The following SLC7A6OS variants were observed in gnomAD, a reference collection of about 807,000 sequenced individuals.
SLC7A6OS encodes the protein solute carrier family 7 member 6 opposite strand, also known as probable RNA polymerase II nuclear localization protein SLC7A6OS.
A neutral mutation model predicts 34.3 loss-of-function variants in SLC7A6OS; 22 were observed. That is an observed-to-expected ratio of 0.64 (90% CI 0.46 to 0.92). The LOEUF (loss-of-function observed/expected upper bound fraction) is 0.92, where lower values mean the gene tolerates loss of function less well. Ranked by LOEUF, SLC7A6OS falls within the 40% of genes least tolerant of loss-of-function variation. SLC7A6OS has a pLI of 0.00. For synonymous variants in SLC7A6OS, 199 were observed against 165.0 expected (o/e 1.21, Z -1.58); for missense variants, 434 against 407.7 (o/e 1.06, Z -0.56).
At position 68,310,855 on chromosome 16, in the gene SLC7A6OS, C is replaced by T. The variant is rs769145053; in HGVS notation, c.72G>A (p.Val24=). The part of the protein sequence containing the change: ...KRSAEPAEAL[V]LACKRLRSDA... ...CGCTCCGGAGGCGTTTACAAGCGAG[C>T]ACAAGAGCCTCCGCCGGCTCCGCAC... Residue 24 remains valine, a synonymous_variant, in exon 1 of 5, where the codon GTG becomes GTA. Transcript: ENST00000263997. The T allele has an allele frequency of 3.7e-6, 6 of 1,612,456 alleles. No homozygotes were observed. In the South Asian group the frequency reaches 6.6e-5, roughly 18 times the overall value.
At chr16:68,303,770 A>G in intron 3 of SLC7A6OS, 1 of 475,154 alleles carries the variant, frequency 2.1e-6, no homozygotes, top group Non-Finnish European at 3.8e-6. Flanking sequence ...GATAGCTATA[A>G]ACAATAAAGG....
chr16:68,310,830 C>A lies in SLC7A6OS; in HGVS notation c.97G>T (p.Asp33Tyr). 1 of 1,613,682 alleles carries A rather than the reference C, an allele frequency of 6.2e-7. No homozygotes were observed. The highest frequency in any genetic ancestry group is 1.1e-5 in the South Asian group (1 of 91,086). Residue 33 changes from aspartate (D) to tyrosine (Y), a missense_variant, in exon 1 of 5, where the codon GAC becomes TAC. Coordinates refer to ENST00000263997, the MANE Select transcript of SLC7A6OS (RefSeq NM_032178.3). Reference sequence around the variant, plus strand: ...TTCTGTGCCGCTGACTCGACCGCGTCGCTCCGGAGGCGTTTACAAGCGAGC... The same window carrying A: ...TTCTGTGCCGCTGACTCGACCGCGTAGCTCCGGAGGCGTTTACAAGCGAGC... Reference protein sequence around the residue: ...LVLACKRLRSDAVESAAQKTS... With the variant: ...LVLACKRLRSYAVESAAQKTS...
intron 2 of SLC7A6OS, among the ~76,000 whole-genome samples, chr16:68,307,880 T>A (rs1172063257): frequency 1.3e-5 from 2 of 152,222 alleles, no homozygotes; most frequent in Admixed American, 6.5e-5. Context: ...CTCCTAGTTT[T>A]CTTTATAAAA....
rs532334466 is a variant in SLC7A6OS at position 68,301,222 on chromosome 16, G to A, written c.*53C>T. The A allele has an allele frequency of 3.2e-6, 5 of 1,584,210 alleles. No individual in the cohort carries two copies. The South Asian group carries it at 5.7e-5, about 18-fold the overall frequency. On this transcript the variant is annotated 3_prime_UTR_variant, in exon 5 of 5. Transcript: ENST00000263997. The stretch of plus-strand genomic sequence containing the variant: ...GATGTCAGCAGGGCAGTTAACTCTG[G>A]ACTCAGAGCCCTCAAGGGCATGTGG...
At position 68,310,935 on chromosome 16, in the gene SLC7A6OS, C is replaced by T. The variant is rs1323942801; in HGVS notation, c.-9G>A. ...GTCCTGGCGGCCTCCATAGTGGCTG[C>T]CGCTGAGCACTGTGGGAGCTCGCGG... On this transcript the variant is annotated 5_prime_UTR_variant, in exon 1 of 5. Coordinates refer to ENST00000263997, the MANE Select transcript of SLC7A6OS (RefSeq NM_032178.3). 25 of 1,569,054 alleles carry T rather than the reference C, an allele frequency of 1.6e-5. No homozygotes were observed. Among genetic ancestry groups the T allele is most frequent in the Non-Finnish European group, 2.0e-5 (23 of 1,162,954 alleles).
At position 68,301,048 on chromosome 16, in the gene SLC7A6OS, T is replaced by G. The variant is rs1347913167; in HGVS notation, c.*227A>C. 1.2e-5 allele frequency: 15 copies of G among 1,207,836 alleles called. No individual in the cohort carries two copies. Among genetic ancestry groups the G allele is most frequent in the Non-Finnish European group, 1.5e-5 (15 of 972,454 alleles). 74.8% of individuals were successfully genotyped at this position (1,207,836 alleles called of 1,614,324 possible). ...CAACGTTTTTTTTTCTTTCAAACTG[T>G]AGGGTCACTTTTGATTGAGGCAAAG... On this transcript the variant is annotated 3_prime_UTR_variant, in exon 5 of 5. Transcript: ENST00000263997.
Position 68,298,544 on chromosome 16 carries a change from C to G in SLC7A6OS, c.*2731G>C, listed in dbSNP as rs975432279. On this transcript the variant is annotated 3_prime_UTR_variant, in exon 5 of 5. Coordinates refer to ENST00000263997, the MANE Select transcript of SLC7A6OS (RefSeq NM_032178.3). ...TGTGGGTCACCGGGACAGTGTACTC[C>G]TCTCCTGCCAGCCTCCCCTTCCCCG... is the stretch of plus-strand genomic sequence containing the variant. 6.6e-6 allele frequency: 1 copy of G among 152,312 alleles called. No individual in the cohort carries two copies. The highest frequency in any genetic ancestry group is 1.5e-5 in the Non-Finnish European group (1 of 68,094). The allele number at this position is 152,312 out of a possible 1,614,324, so 9.4% of individuals were successfully genotyped here. A position where few individuals can be genotyped will look rare whatever the true frequency, so the allele number is the denominator to read the frequency against.
At chr16:68,308,575 C>T (rs1159085019) in intron 2 of SLC7A6OS, among the ~76,000 whole-genome samples, 3 of 151,958 alleles carry the variant, frequency 2.0e-5, no homozygotes, top group Non-Finnish European at 2.9e-5. Context: ...TGCGGTGAGC[C>T]GAGATCGCGC....
chr16:68,310,538 G>A lies in SLC7A6OS; in HGVS notation c.268C>T (p.Leu90Phe). Residue 90 changes from leucine (L) to phenylalanine (F), a missense_variant, in exon 2 of 5, where the codon CTC becomes TTC. Coordinates refer to ENST00000263997, the MANE Select transcript of SLC7A6OS (RefSeq NM_032178.3). ...CGGACCTCCCGAGCCGAGGCGCGGA[G>A]ATTACGGCGGACACGCTGCTGGCTG... The part of the protein sequence containing the change: ...RDSQQRVRRN[L>F]RASAREVRQE... 1 of 1,581,738 alleles carries A rather than the reference G, an allele frequency of 6.3e-7. No individual in the cohort carries two copies. The highest frequency in any genetic ancestry group is 8.6e-7 in the Non-Finnish European group (1 of 1,164,868).
At chr16:68,308,046 C>T (rs1053106667) in intron 2 of SLC7A6OS, among the ~76,000 whole-genome samples, 3 of 152,040 alleles carry the variant, frequency 2.0e-5, no homozygotes, top group Admixed American at 6.5e-5. Flanking sequence ...GGATTACAGG[C>T]GCCCGCCACC....
At chr16:68,309,444 T>G (rs1255508046) in intron 2 of SLC7A6OS, among the ~76,000 whole-genome samples, 1 of 152,038 alleles carries the variant, frequency 6.6e-6, no homozygotes, top group African/African-American at 2.4e-5. Context: ...TGGCTCACTG[T>G]AGCCTTGACC....
intron 4 of SLC7A6OS, chr16:68,301,658 T>TC (rs2043278579): frequency 3.2e-6 from 1 of 309,776 alleles, no homozygotes; most frequent in African/African-American, 2.2e-5. Context: ...ACTTCTCCCC[T>TC]CCGTATAGGA....
In SLC7A6OS at chr16:68,310,580, G is replaced by A. The variant is rs771616951; in HGVS notation, c.226C>T (p.Leu76=). 4 of 1,592,026 alleles carry A rather than the reference G, an allele frequency of 2.5e-6. No individual in the cohort carries two copies. Among genetic ancestry groups the A allele is most frequent in the East Asian group, 2.3e-5 (1 of 43,452 alleles). ...EPVQPLLREV[L]RPSRDSQQRV... ...TGCTGGCTGTCCCGTGACGGGCGCA[G>A]AACTTCCCGCAGGAGAGGCTGGACT... The change falls in exon 2 of 5, where the codon CTG becomes TTG. Residue 76 remains leucine (L), a synonymous_variant. Coordinates refer to ENST00000263997, the MANE Select transcript of SLC7A6OS (RefSeq NM_032178.3).
intron 3 of SLC7A6OS, 141 bp from the exon 4 acceptor site, chr16:68,302,642 T>C (rs1186054484): frequency 3.3e-6 from 3 of 905,382 alleles, no homozygotes; most frequent in African/African-American, 1.6e-5. Flanking sequence ...TTTGACTCCA[T>C]TGCACAAGAG....
intron 4 of SLC7A6OS, 57 bp from the exon 5 acceptor site, chr16:68,301,462 A>AAAATTTCCTAG: frequency 6.6e-7 from 1 of 1,523,670 alleles, no homozygotes; most frequent in South Asian, 1.2e-5. Flanking sequence ...CTACTGCAGG[A>AAAATTTCCTAG]GCCCCTTCTC....
rs192902092 is a variant in SLC7A6OS, at chr16:68,306,807, A to G, written c.472-2575T>C. Among the ~76,000 whole-genome samples, 3 of 146,998 alleles carry G rather than the reference A, an allele frequency of 2.0e-5. No individual in the cohort carries two copies. In the East Asian group the frequency reaches 6.1e-4, roughly 30 times the overall value. ...GTACCCTTGCTGAAAATTATTTTGA[A>G]GTCTATGTCCATGTGTATTCATTCA... is the stretch of plus-strand genomic sequence containing the variant. On this transcript the variant is annotated intron_variant, in intron 2 of 4. Transcript: ENST00000263997.
At chr16:68,303,363 G>C (rs553966919) in intron 3 of SLC7A6OS, among the ~76,000 whole-genome samples, 2 of 151,948 alleles carry the variant, frequency 1.3e-5, no homozygotes, top group East Asian at 3.9e-4. Flanking sequence ...CTTGAGCCCA[G>C]GAGTTCAAGA....
Position 68,301,255 on chromosome 16 carries a change from T to C in SLC7A6OS, c.*20A>G. ...GCCCTCAAGGGCATGTGGCAGAACCTCATGGACATCACAAGACCATCAGTC... is the reference window on the plus strand; with the variant it reads ...GCCCTCAAGGGCATGTGGCAGAACCCCATGGACATCACAAGACCATCAGTC... On this transcript the variant is annotated 3_prime_UTR_variant, in exon 5 of 5. Coordinates refer to ENST00000263997, the MANE Select transcript of SLC7A6OS (RefSeq NM_032178.3). 1 of 1,612,748 alleles carries C rather than the reference T, an allele frequency of 6.2e-7. No homozygotes were observed. The highest frequency in any genetic ancestry group is 1.3e-5 in the African/African-American group (1 of 75,004).
Position 68,310,838 on chromosome 16 carries a change from A to G in SLC7A6OS, c.89T>C (p.Leu30Pro). 3 of 1,613,560 alleles carry G rather than the reference A, an allele frequency of 1.9e-6. No homozygotes were observed. The highest frequency in any genetic ancestry group is 2.5e-6 in the Non-Finnish European group (3 of 1,179,946). ...CGCTGACTCGACCGCGTCGCTCCGG[A>G]GGCGTTTACAAGCGAGCACAAGAGC... ...AEALVLACKR[L>P]RSDAVESAAQ... is the part of the protein sequence containing the mutation. Residue 30 changes from leucine to proline, a missense_variant, in exon 1 of 5, where the codon CTC (leucine) becomes CCC (proline). Physicochemically the swap from Leu to Pro is moderately conservative, Grantham distance 98 (BLOSUM62 -3). Transcript: ENST00000263997.
Sources: gnomAD v4.1 joint callset for allele counts (sites outside exome capture counted in the v4.1 genomes callset) on GRCh38, gnomAD v4.1.1 for gene constraint, MANE v1.5 for transcripts, NCBI Gene and HGNC (gene_info 2026-07-23, HGNC 2026-07-21) for gene names.